Variants in ADGRB3 observed in about 807,000 individuals in gnomAD.
ADGRB3 encodes the protein adhesion G protein-coupled receptor B3, also known as brain-specific angiogenesis inhibitor 3.
In ADGRB3, 37 loss-of-function variants were observed where a neutral mutation model predicts 193.4. The ratio of observed to expected loss-of-function variants is 0.19; its 90% confidence interval spans 0.15 to 0.25. ADGRB3 has a LOEUF of 0.25. ADGRB3 is among the 10% of genes least tolerant of loss of function. ADGRB3 has a pLI of 1.00. For missense variants in ADGRB3, 1,637 were observed against 1,852.9 expected (o/e 0.88, Z 2.14); for synonymous variants, 690 against 644.2 (o/e 1.07, Z -1.08).
intron 5 of ADGRB3, among the ~76,000 whole-genome samples, chr6:68,940,112 G>C (rs566270865): frequency 6.6e-6 from 1 of 152,090 alleles, no homozygotes; most frequent in Non-Finnish European, 1.5e-5. Context: ...ACATTTAGCA[G>C]AATTTTTGCT....
intron 4 of ADGRB3, 129 bp from the exon 5 acceptor site, chr6:68,936,390 A>G: frequency 3.1e-6 from 3 of 981,208 alleles, no homozygotes; most frequent in South Asian, 3.6e-5. Flanking sequence ...GTTTTCATGT[A>G]CCTTTTGATG....
intron 30 of ADGRB3, among the ~76,000 whole-genome samples, chr6:69,373,640 T>A (rs1474667600): frequency 6.6e-6 from 1 of 152,110 alleles, no homozygotes; most frequent in African/African-American, 2.4e-5. Context: ...TTCAGCAATC[T>A]TTGCCTTCAG....
At chr6:69,147,300 A>G (rs1385783011) in intron 17 of ADGRB3, among the ~76,000 whole-genome samples, 3 of 152,078 alleles carry the variant, frequency 2.0e-5, no homozygotes, top group African/African-American at 7.2e-5. Context: ...ATTCCCTCTT[A>G]GTACTGATTT....
intron 3 of ADGRB3, among the ~76,000 whole-genome samples, chr6:68,718,085 C>A (rs1765515912): frequency 6.6e-6 from 1 of 151,744 alleles, no homozygotes; most frequent in African/African-American, 2.4e-5. Context: ...CAAAATCATT[C>A]TAACATTGTT....
At chr6:69,184,190 T>A (rs540699838) in intron 17 of ADGRB3, among the ~76,000 whole-genome samples, 1 of 152,124 alleles carries the variant, frequency 6.6e-6, no homozygotes, top group Non-Finnish European at 1.5e-5. Context: ...TTGAAATCAC[T>A]GACTCTTTAT....
At chr6:69,028,046 T>C (rs945707615) in intron 13 of ADGRB3, among the ~76,000 whole-genome samples, 2 of 152,210 alleles carry the variant, frequency 1.3e-5, no homozygotes, top group African/African-American at 4.8e-5. Flanking sequence ...ATTTTTACTA[T>C]TCTCAAGGAG....
intron 3 of ADGRB3, among the ~76,000 whole-genome samples, chr6:68,745,572 A>C (rs1190400558): frequency 6.6e-6 from 1 of 152,072 alleles, no homozygotes; most frequent in African/African-American, 2.4e-5. Context: ...TGTGTTTTTT[A>C]CCTGAATTAA....
chr6:69,292,181 T>C (rs1402524768), intron 20 of ADGRB3, among the ~76,000 whole-genome samples: 1 of 152,216 alleles, frequency 6.6e-6, no homozygotes, highest in East Asian at 1.9e-4. Context: ...ATTAAATACA[T>C]CTGTATGCTT....
intron 20 of ADGRB3, among the ~76,000 whole-genome samples, chr6:69,310,168 G>A (rs78634322): frequency 0.033 from 5,034 of 151,670 alleles, 277 homozygotes; most frequent in African/African-American, 0.11. Flanking sequence ...ATAGTCTTTC[G>A]GATTTTGCTT....
chr6:68,644,415 G>A (rs1049985048), intron 3 of ADGRB3, among the ~76,000 whole-genome samples: 2 of 151,856 alleles, frequency 1.3e-5, no homozygotes, highest in Non-Finnish European at 2.9e-5. Context: ...AAAAAAAATG[G>A]TAAGAAAATT....
At chr6:68,731,956 T>C (rs1726266107) in intron 3 of ADGRB3, among the ~76,000 whole-genome samples, 1 of 151,728 alleles carries the variant, frequency 6.6e-6, no homozygotes, top group African/African-American at 2.4e-5. Context: ...AGGTTGTTTT[T>C]TCTATTATTT....
chr6:69,052,682 T>G (rs985724387), intron 15 of ADGRB3, among the ~76,000 whole-genome samples: 2 of 152,220 alleles, frequency 1.3e-5, no homozygotes, highest in African/African-American at 4.8e-5. Context: ...TATTGAGATA[T>G]TTCTCTTCTT....
At chr6:68,935,985 A>G (rs575722019) in intron 4 of ADGRB3, among the ~76,000 whole-genome samples, 2 of 152,306 alleles carry the variant, frequency 1.3e-5, no homozygotes, top group South Asian at 4.1e-4. Context: ...AAAAGTAGGA[A>G]CTGCACTAGT....
intron 3 of ADGRB3, among the ~76,000 whole-genome samples, chr6:68,857,818 C>A (rs978494058): frequency 3.3e-5 from 5 of 152,070 alleles, no homozygotes; most frequent in African/African-American, 4.8e-5. Flanking sequence ...GTGTCCCCAC[C>A]CAAATCTCAT....
At chr6:68,996,768 A>C (rs747437808) in intron 11 of ADGRB3, among the ~76,000 whole-genome samples, 5 of 152,088 alleles carry the variant, frequency 3.3e-5, no homozygotes, top group Non-Finnish European at 7.4e-5. Context: ...CTAATTAGCA[A>C]ATCTTCGGAA....
chr6:68,968,934 G>C (rs538894940), intron 8 of ADGRB3, among the ~76,000 whole-genome samples: 1 of 152,064 alleles, frequency 6.6e-6, no homozygotes, highest in Admixed American at 6.5e-5. Context: ...AATTGCACTA[G>C]CCACATTTTC....
intron 17 of ADGRB3, among the ~76,000 whole-genome samples, chr6:69,082,889 T>A (rs1288263631): frequency 3.3e-5 from 5 of 152,186 alleles, no homozygotes; most frequent in African/African-American, 1.2e-4. Flanking sequence ...AGGATAAAAG[T>A]GCATTCCTCC....
chr6:68,976,454 G>A (rs1378135447), intron 10 of ADGRB3, among the ~76,000 whole-genome samples: 6 of 151,884 alleles, frequency 4.0e-5, no homozygotes, highest in African/African-American at 7.3e-5. Context: ...TAATGTGGCC[G>A]TTAGGGGCGC....
At chr6:69,170,854 T>G (rs1225408909) in intron 17 of ADGRB3, among the ~76,000 whole-genome samples, 2 of 152,104 alleles carry the variant, frequency 1.3e-5, no homozygotes, top group Non-Finnish European at 2.9e-5. Flanking sequence ...CAATTTTGCT[T>G]GAAGGTAGAT....
Sources: allele counts gnomAD v4.1 joint callset (sites outside exome capture counted in the v4.1 genomes callset), GRCh38; gene constraint gnomAD v4.1.1; transcripts MANE v1.5; gene names NCBI Gene and HGNC (gene_info 2026-07-23, HGNC 2026-07-21).